CADM2: variants seen among roughly 807,000 people sequenced by gnomAD.
The protein encoded by CADM2 is immunoglobulin superfamily member 4D.
CADM2 carries 12 observed loss-of-function variants against 49.8 expected under a neutral mutation model. The observed-to-expected ratio is 0.24, with a 90% confidence interval of 0.15 to 0.39. CADM2 has a LOEUF of 0.39. Ranked by LOEUF, CADM2 falls within the 10% of genes least tolerant of loss-of-function variation. CADM2 has a pLI of 1.00. For missense variants in CADM2, 378 were observed against 492.3 expected, an observed-to-expected ratio of 0.77 and a Z score of 2.20; for synonymous variants, 214 against 175.4, an observed-to-expected ratio of 1.22 and a Z score of -1.74.
At chr3:85,206,824 T>C (rs1457557443) in intron 1 of CADM2, among the ~76,000 whole-genome samples, 1 of 152,130 alleles carries the variant, frequency 6.6e-6, no homozygotes, top group African/African-American at 2.4e-5. Context: ...ACTTAAAATT[T>C]ATTAAATATT....
chr3:84,968,630 C>G (rs903198075), intron 1 of CADM2, among the ~76,000 whole-genome samples: 5 of 152,022 alleles, frequency 3.3e-5, no homozygotes, highest in Non-Finnish European at 5.9e-5. Context: ...TCTGTTATTT[C>G]TAAATAACAG....
intron 8 of CADM2, among the ~76,000 whole-genome samples, chr3:86,060,981 C>CAATAAT (rs144216839): frequency 0.016 from 2,367 of 147,950 alleles, 40 homozygotes; most frequent in East Asian, 0.066. Flanking sequence ...GGCTATGTCT[C>CAATAAT]AATAATAATA....
intron 8 of CADM2, chr3:86,012,656 G>C (rs1328457986): frequency 6.9e-7 from 1 of 1,450,610 alleles, no homozygotes; most frequent in Non-Finnish European, 9.6e-7. Context: ...CAGATGCCAG[G>C]AGTGGGTGGA....
intron 1 of CADM2, among the ~76,000 whole-genome samples, chr3:85,122,850 G>T (rs2038912794): frequency 6.6e-6 from 1 of 151,734 alleles, no homozygotes; most frequent in Non-Finnish European, 1.5e-5. Flanking sequence ...CCATTGTATG[G>T]CTCTTATTCA....
At chr3:85,540,447 CT>C (rs2061512914) in intron 1 of CADM2, among the ~76,000 whole-genome samples, 1 of 152,110 alleles carries the variant, frequency 6.6e-6, no homozygotes, top group Admixed American at 6.6e-5. Flanking sequence ...TTTGAGACTA[CT>C]TAAAACATAT....
chr3:86,065,619 G>A lies in CADM2; in HGVS notation c.985G>A (p.Ala329Thr), dbSNP rs756975903. ...VLIVHDPNAL[A>T]GQNGPDHALI... ...GTCTTTTCCAGATCCTAATGCTTTG[G>A]CTGGCCAGAATGGCCCTGACCATGC... The change falls in exon 9 of 10, where the codon GCT becomes ACT. Residue 329 changes from alanine (A) to threonine (T), a missense_variant. Physicochemically the swap from Ala to Thr is moderately conservative, Grantham distance 58. Transcript: ENST00000383699. 3.7e-6 allele frequency: 6 copies of A among 1,612,428 alleles called. No homozygotes were observed. The highest frequency in any genetic ancestry group is 5.1e-6 in the Non-Finnish European group (6 of 1,179,406).
chr3:85,691,685 T>C (rs891104056), intron 1 of CADM2, among the ~76,000 whole-genome samples: 10 of 152,180 alleles, frequency 6.6e-5, no homozygotes, highest in African/African-American at 1.4e-4. Context: ...CGTATGTTTA[T>C]TGCGGCACTA....
At chr3:85,568,825 T>A (rs2062395038) in intron 1 of CADM2, among the ~76,000 whole-genome samples, 1 of 151,730 alleles carries the variant, frequency 6.6e-6, no homozygotes, top group Non-Finnish European at 1.5e-5. Flanking sequence ...CTAGGCTGGT[T>A]TCAAACTCCT....
At chr3:85,565,333 A>G (rs1235201027) in intron 1 of CADM2, among the ~76,000 whole-genome samples, 3 of 152,126 alleles carry the variant, frequency 2.0e-5, no homozygotes, top group Non-Finnish European at 4.4e-5. Context: ...TTTAGAGTGT[A>G]TAATCTTTCA....
At chr3:85,180,249 C>A (rs1309102721) in intron 1 of CADM2, among the ~76,000 whole-genome samples, 1 of 151,982 alleles carries the variant, frequency 6.6e-6, no homozygotes, top group Admixed American at 6.6e-5. Context: ...TGGCTCATGC[C>A]TGTAATCCCA....
intron 1 of CADM2, among the ~76,000 whole-genome samples, chr3:85,205,197 A>C (rs2041603096): frequency 6.6e-6 from 1 of 151,918 alleles, no homozygotes; most frequent in Admixed American, 6.6e-5. Context: ...TTTCTAAAAA[A>C]AAAATTGTAG....
chr3:85,057,324 G>A (rs914333817), intron 1 of CADM2, among the ~76,000 whole-genome samples: 7 of 151,618 alleles, frequency 4.6e-5, no homozygotes, highest in Non-Finnish European at 1.0e-4. Context: ...TTTGTTATGG[G>A]ATCTTCCTGT....
intron 1 of CADM2, among the ~76,000 whole-genome samples, chr3:85,260,804 T>C (rs956773791): frequency 3.9e-5 from 6 of 152,182 alleles, no homozygotes; most frequent in Admixed American, 6.5e-5. Flanking sequence ...TCACAAATTA[T>C]AGTTTTTAAT....
At chr3:86,020,074 A>G (rs1732917513) in intron 8 of CADM2, among the ~76,000 whole-genome samples, 1 of 152,176 alleles carries the variant, frequency 6.6e-6, no homozygotes, top group Non-Finnish European at 1.5e-5. Context: ...GATCAACAAA[A>G]TTGATGGACC....
intron 1 of CADM2, among the ~76,000 whole-genome samples, chr3:85,050,040 G>A (rs1033987814): frequency 2.0e-5 from 3 of 151,460 alleles, no homozygotes; most frequent in Non-Finnish European, 4.4e-5. Context: ...GGCCTTCTTG[G>A]GAATCAATAT....
intron 1 of CADM2, among the ~76,000 whole-genome samples, chr3:85,099,821 C>G (rs538686139): frequency 3.3e-5 from 5 of 152,002 alleles, no homozygotes; most frequent in Non-Finnish European, 7.4e-5. Flanking sequence ...TATACACTAG[C>G]GATGGAATGG....
At chr3:85,972,787 T>A (rs1319490468) in intron 8 of CADM2, among the ~76,000 whole-genome samples, 2 of 151,754 alleles carry the variant, frequency 1.3e-5, no homozygotes, top group Admixed American at 6.6e-5. Flanking sequence ...CAGCGCTTGT[T>A]GGAAGTGATT....
At chr3:85,941,853 C>T (rs1364120424) in intron 7 of CADM2, among the ~76,000 whole-genome samples, 4 of 152,040 alleles carry the variant, frequency 2.6e-5, no homozygotes, top group East Asian at 1.9e-4. Flanking sequence ...GTCAGTGATA[C>T]ATAAGACCTT....
chr3:85,457,310 G>A (rs975582203), intron 1 of CADM2, among the ~76,000 whole-genome samples: 2 of 151,896 alleles, frequency 1.3e-5, no homozygotes, highest in Non-Finnish European at 2.9e-5. Flanking sequence ...CAACTCAGGA[G>A]CCTAAGGCAG....
Sources: gnomAD v4.1 joint callset for allele counts (sites outside exome capture counted in the v4.1 genomes callset) on GRCh38, gnomAD v4.1.1 for gene constraint, MANE v1.5 for transcripts, NCBI Gene and HGNC (gene_info 2026-07-23, HGNC 2026-07-21) for gene names.